The following ZNF516 variants were observed in gnomAD, a reference collection of about 807,000 sequenced individuals.
The protein encoded by ZNF516 is zinc finger protein 516.
In ZNF516, 19 loss-of-function variants were observed where a neutral mutation model predicts 79.7. The observed-to-expected ratio is 0.24, with a 90% CI of 0.17 to 0.35. The LOEUF is 0.35. ZNF516 is among the 10% of genes least tolerant of loss of function. The pLI is 1.00. For synonymous variants in ZNF516, 877 were observed against 739.5 expected (o/e 1.19, Z -3.02); for missense variants, 1,678 against 1,679.5 (o/e 1.00, Z 0.02).
chr18:76,448,765 T>C (rs1198633645), intron 2 of ZNF516, among the ~76,000 whole-genome samples: 1 of 152,028 alleles, frequency 6.6e-6, no homozygotes, highest in African/African-American at 2.4e-5. Context: ...CAAGGCCTCG[T>C]ATCAGGAGCC....
rs2075112882 is a variant in ZNF516, at chr18:76,394,511, TGGGGG to T, written c.1811-14213_1811-14209del. On this transcript the variant is annotated intron_variant, in intron 3 of 6. Coordinates refer to ENST00000443185, the MANE Select transcript of ZNF516 (RefSeq NM_014643.4). ...GGTGGGGGCAGGGCGGGTGGTCAGG[TGGGGG>T]GAGGGCAGGTGGTCAGGTGGGGGGA... Among the ~76,000 whole-genome samples, 2 of 230 alleles carry T rather than the reference TGGGGG, an allele frequency of 8.7e-3. 1 individual carries two copies. The highest frequency in any genetic ancestry group is 0.014 in the Non-Finnish European group (2 of 138). The allele number at this position is 230 out of a possible 152,430, so 0.2% of individuals were successfully genotyped here. A position where few individuals can be genotyped will look rare whatever the true frequency, so the allele number is the denominator to read the frequency against.
intron 1 of ZNF516, among the ~76,000 whole-genome samples, chr18:76,486,127 G>C (rs1160775230): frequency 6.6e-6 from 1 of 152,098 alleles, no homozygotes; most frequent in Non-Finnish European, 1.5e-5. Context: ...CACAAAAATT[G>C]TATCGGTGGA....
chr18:76,373,122 C>G (rs139164012), intron 4 of ZNF516, among the ~76,000 whole-genome samples: 265 of 151,930 alleles, frequency 1.7e-3, no homozygotes, highest in African/African-American at 5.9e-3. Flanking sequence ...TGCACTCCAG[C>G]CTAGGTGACA....
chr18:76,437,742 T>C (rs931568792), intron 3 of ZNF516, among the ~76,000 whole-genome samples: 60 of 152,254 alleles, frequency 3.9e-4, no homozygotes, highest in Non-Finnish European at 1.2e-4. Context: ...GTAAATGCTC[T>C]ATAAATTCTG....
At chr18:76,437,157 G>A (rs1281288138) in intron 3 of ZNF516, among the ~76,000 whole-genome samples, 3 of 151,316 alleles carry the variant, frequency 2.0e-5, no homozygotes, top group Non-Finnish European at 4.4e-5. Flanking sequence ...CTATCAGAAA[G>A]AAAGAAGGAC....
Position 76,379,296 on chromosome 18 carries a change from C to G in ZNF516, c.2818G>C (p.Gly940Arg). 6.2e-7 allele frequency: 1 copy of G among 1,609,056 alleles called. No homozygotes were observed. Among genetic ancestry groups the G allele is most frequent in the Non-Finnish European group, 8.5e-7 (1 of 1,177,602 alleles). The change falls in exon 4 of 7, where the codon GGC becomes CGC. Residue 940 changes from glycine (G) to arginine (R), a missense_variant. Around this residue, in one of 5 missense-constraint regions of ZNF516, gnomAD observed 1,294 missense variants for 1,248.3 expected, o/e 1.04. Transcript: ENST00000443185. Reference sequence around the variant, plus strand: ...TTGCTATTGGCCGAGGGCTGCGCGCCAGCCCGGGCGATGACGGTGGGCGTA... The same window carrying G: ...TTGCTATTGGCCGAGGGCTGCGCGCGAGCCCGGGCGATGACGGTGGGCGTA... The part of the protein sequence containing the change: ...TPTPTVIARA[G>R]AQPSANSKPV...
chr18:76,494,408 G>T lies in ZNF516; in HGVS notation c.-272+736C>A, dbSNP rs972565668. 4.1e-5 allele frequency among the ~76,000 whole-genome samples: 6 copies of T among 147,676 alleles called. No homozygotes were observed. The Admixed American group carries it at 4.1e-4, about 10-fold the overall frequency. ...CGCACCCGGCGGGGCGCAGCTCCGA[G>T]GAGTCCCTGCCCACCCCTCTCCGAG... is the stretch of plus-strand genomic sequence containing the variant. On this transcript the variant is annotated intron_variant, in intron 1 of 6. Coordinates refer to ENST00000443185, the MANE Select transcript of ZNF516 (RefSeq NM_014643.4).
At chr18:76,445,800 C>G (rs1912010274) in intron 2 of ZNF516, among the ~76,000 whole-genome samples, 1 of 152,212 alleles carries the variant, frequency 6.6e-6, no homozygotes, top group African/African-American at 2.4e-5. Context: ...TGGTCAGGGC[C>G]GTTAGAGACA....
At chr18:76,450,184 A>AGGGGGG (rs55928843) in intron 2 of ZNF516, among the ~76,000 whole-genome samples, 17 of 103,016 alleles carry the variant, frequency 1.7e-4, no homozygotes, top group Non-Finnish European at 2.3e-4. Context: ...ATGAAACTAA[A>AGGGGGG]GGGGGGGGGG....
intron 3 of ZNF516, among the ~76,000 whole-genome samples, chr18:76,382,025 C>T (rs929794759): frequency 2.0e-5 from 3 of 152,032 alleles, no homozygotes; most frequent in East Asian, 1.9e-4. Flanking sequence ...CCAGCTACTC[C>T]GGAGGCTGAG....
At chr18:76,455,674 G>A (rs1912678147) in intron 2 of ZNF516, among the ~76,000 whole-genome samples, 1 of 152,160 alleles carries the variant, frequency 6.6e-6, no homozygotes, top group African/African-American at 2.4e-5. Flanking sequence ...ACAGAAACAA[G>A]TACCTGGTGA....
chr18:76,447,104 T>A (rs1338861285), intron 2 of ZNF516, among the ~76,000 whole-genome samples: 1 of 152,146 alleles, frequency 6.6e-6, no homozygotes, highest in Admixed American at 6.5e-5. Context: ...AGTGGCCAAA[T>A]CAAAAGATCT....
At chr18:76,450,988 T>C (rs1912374729) in intron 2 of ZNF516, among the ~76,000 whole-genome samples, 1 of 152,134 alleles carries the variant, frequency 6.6e-6, no homozygotes, top group Non-Finnish European at 1.5e-5. Flanking sequence ...CTCTCGTATT[T>C]AGAGTCATTT....
chr18:76,421,484 G>A (rs1287107131), intron 3 of ZNF516, among the ~76,000 whole-genome samples: 1 of 152,178 alleles, frequency 6.6e-6, no homozygotes, highest in African/African-American at 2.4e-5. Flanking sequence ...AGCAGAGCCC[G>A]GGCTGAGCCC....
intron 3 of ZNF516, among the ~76,000 whole-genome samples, chr18:76,400,478 A>C (rs752433892): frequency 1.3e-5 from 2 of 152,192 alleles, no homozygotes; most frequent in Non-Finnish European, 2.9e-5. Context: ...TAAACAAATA[A>C]ACATCCCAGC....
chr18:76,399,308 G>A (rs2075187174), intron 3 of ZNF516, among the ~76,000 whole-genome samples: 1 of 152,198 alleles, frequency 6.6e-6, no homozygotes, highest in Admixed American at 6.5e-5. Context: ...GCATCCTTTT[G>A]ATCTGCATCT....
chr18:76,487,979 G>A (rs1914928525), intron 1 of ZNF516: 2 of 985,424 alleles, frequency 2.0e-6, no homozygotes, highest in South Asian at 4.7e-5. Flanking sequence ...TTAGCGACCA[G>A]CCCAAGGGGA....
rs369769519 is a variant in ZNF516, at chr18:76,458,116, A to G, written c.-158+4912T>C. ...TTCAATGCCATCATTTACTTAGCTA[A>G]TAAGTGCCACGGTAGGTCCTCAGTT... On this transcript the variant is annotated intron_variant, in intron 2 of 6. Transcript: ENST00000443185. 6.4e-3 allele frequency among the ~76,000 whole-genome samples: 973 copies of G among 152,330 alleles called. 8 individuals are homozygous for G. Among genetic ancestry groups the G allele is most frequent in the Middle Eastern group, 0.024 (7 of 294 alleles).
intron 6 of ZNF516, among the ~76,000 whole-genome samples, chr18:76,366,907 C>T (rs1442776497): frequency 6.6e-6 from 1 of 152,152 alleles, no homozygotes; most frequent in African/African-American, 2.4e-5. Context: ...ACTCAATAAC[C>T]CAATAGATTA....
Sources: allele counts gnomAD v4.1 joint callset (sites outside exome capture counted in the v4.1 genomes callset), GRCh38; gene constraint gnomAD v4.1.1; regional missense constraint gnomAD v4.1.1; transcripts MANE v1.5; gene names NCBI Gene and HGNC (gene_info 2026-07-23, HGNC 2026-07-21).